The following GABRA4 variants were observed in gnomAD, a reference collection of about 807,000 sequenced individuals.
GABRA4 encodes the protein gamma-aminobutyric acid type A receptor subunit alpha4, also known as gamma-aminobutyric acid receptor subunit alpha-4.
In GABRA4, 12 loss-of-function variants were observed where a neutral mutation model predicts 49.7. The observed-to-expected ratio is 0.24, with a 90% CI of 0.15 to 0.39. GABRA4 has a LOEUF of 0.39. GABRA4 is among the 10% of genes least tolerant of loss of function. GABRA4 has a pLI of 1.00. For synonymous variants in GABRA4, 288 were observed against 240.2 expected, an observed-to-expected ratio of 1.20 and a Z score of -1.84; for missense variants, 506 against 686.0, an observed-to-expected ratio of 0.74 and a Z score of 2.93.
In GABRA4 at chr4:46,922,701, A is replaced by G. The variant is rs1721078766; in HGVS notation, c.*5524T>C. The G allele has an allele frequency of 6.6e-6, 1 of 152,208 alleles. No individual in the cohort carries two copies. The highest frequency in any genetic ancestry group is 6.6e-5 in the Admixed American group (1 of 15,254). The allele number at this position is 152,208 out of a possible 1,614,324, so 9.4% of individuals were successfully genotyped here. A position where few individuals can be genotyped will look rare whatever the true frequency, so the allele number is the denominator to read the frequency against. ...GTGACCAAGAAAGCAATGGAAAACA[A>G]AATTAACCATTATGAAGTTGAAAAG... On this transcript the variant is annotated 3_prime_UTR_variant, in exon 9 of 9. Transcript: ENST00000264318.
chr4:46,989,694 A>G (rs1257986941), intron 2 of GABRA4, among the ~76,000 whole-genome samples: 1 of 152,238 alleles, frequency 6.6e-6, no homozygotes, highest in African/African-American at 2.4e-5. Context: ...TTTCAATTCA[A>G]ATCTTTGCTT....
Position 46,922,053 on chromosome 4 carries a change from A to T in GABRA4, c.*6172T>A, listed in dbSNP as rs984330050. On this transcript the variant is annotated 3_prime_UTR_variant, in exon 9 of 9. Transcript: ENST00000264318. ...CTGTCTTCATACGATTTTACTATAT[A>T]CTTCCGAATAGTGGAATGTAGAGGT... The T allele has an allele frequency of 8.5e-5, 13 of 152,126 alleles. No homozygotes were observed. The highest frequency in any genetic ancestry group is 3.1e-4 in the African/African-American group (13 of 41,432). The allele number at this position is 152,126 out of a possible 1,614,324, so 9.4% of individuals were successfully genotyped here.
At chr4:46,977,225 G>T (rs1254735912) in intron 4 of GABRA4, 82 bp from the exon 5 acceptor site, 3 of 773,612 alleles carry the variant, frequency 3.9e-6, no homozygotes, top group Non-Finnish European at 5.9e-6. Flanking sequence ...GGAAGGAAGG[G>T]AGGGAAGGAG....
At chr4:46,947,384 A>G (rs894391698) in intron 8 of GABRA4, among the ~76,000 whole-genome samples, 3 of 152,006 alleles carry the variant, frequency 2.0e-5, no homozygotes, top group Admixed American at 6.6e-5. Context: ...AAATAAATGC[A>G]TCCTGAATTC....
At chr4:46,990,640 A>G (rs923030054) in intron 2 of GABRA4, among the ~76,000 whole-genome samples, 5 of 152,240 alleles carry the variant, frequency 3.3e-5, no homozygotes, top group African/African-American at 1.2e-4. Context: ...TGTCAAGTTT[A>G]AAACATTTAT....
intron 8 of GABRA4, among the ~76,000 whole-genome samples, chr4:46,963,137 C>T (rs1292553700): frequency 6.6e-6 from 1 of 151,768 alleles, no homozygotes; most frequent in Non-Finnish European, 1.5e-5. Flanking sequence ...GCCAAGTATA[C>T]AATCAACAAA....
chr4:46,958,889 T>C (rs1394509988), intron 8 of GABRA4, among the ~76,000 whole-genome samples: 1 of 151,930 alleles, frequency 6.6e-6, no homozygotes, highest in Non-Finnish European at 1.5e-5. Context: ...AAATGTCATG[T>C]AGACTCTAAA....
chr4:46,986,736 T>C (rs538119806), intron 2 of GABRA4, among the ~76,000 whole-genome samples: 19 of 152,286 alleles, frequency 1.2e-4, no homozygotes, highest in African/African-American at 3.6e-4. Flanking sequence ...GTACCATACC[T>C]GCATACAAAT....
chr4:46,971,600 T>C (rs1416288473), intron 6 of GABRA4, among the ~76,000 whole-genome samples: 1 of 151,092 alleles, frequency 6.6e-6, no homozygotes, highest in Admixed American at 6.6e-5. Flanking sequence ...GAAAAACCAC[T>C]AGAAAAAAAT....
chr4:46,955,723 G>T (rs1722315830), intron 8 of GABRA4, among the ~76,000 whole-genome samples: 1 of 152,034 alleles, frequency 6.6e-6, no homozygotes, highest in South Asian at 2.1e-4. Context: ...TGAATATAAA[G>T]GTTTGTATTT....
rs187604504 is a variant in GABRA4, at chr4:46,980,887, T to C, written c.206-1789A>G. On this transcript the variant is annotated intron_variant, in intron 2 of 8. Coordinates refer to ENST00000264318, the MANE Select transcript of GABRA4 (RefSeq NM_000809.4). ...AGAGTATTAAAAAGCAGAAACACTA[T>C]GCCATTGCAAGTCAGGGCAAGTGGT... Among the ~76,000 whole-genome samples the C allele has an allele frequency of 1.5e-3, 229 of 152,194 alleles. 2 individuals are homozygous for C. The highest frequency in any genetic ancestry group is 4.7e-3 in the East Asian group (24 of 5,158).
In GABRA4 at chr4:46,928,671, C is replaced by T; in HGVS notation, c.1219G>A (p.Gly407Arg). 3 of 1,613,442 alleles carry T rather than the reference C, an allele frequency of 1.9e-6. No homozygotes were observed. Among genetic ancestry groups the T allele is most frequent in the Non-Finnish European group, 2.5e-6 (3 of 1,179,630 alleles). ...ESDVGNRTEV[G>R]NHSSKSSTVV... Reference sequence around the variant, plus strand: ...GTGGAAGATTTGCTTGAATGGTTTCCCACCTCAGTTCTGTTGCCAACATCA... The same window carrying T: ...GTGGAAGATTTGCTTGAATGGTTTCTCACCTCAGTTCTGTTGCCAACATCA... The change falls in exon 9 of 9, where the codon GGA (glycine) becomes AGA (arginine). Residue 407 changes from glycine (G) to arginine (R), a missense_variant. Coordinates refer to ENST00000264318, the MANE Select transcript of GABRA4 (RefSeq NM_000809.4).
chr4:46,964,830 G>C (rs1297207008), intron 8 of GABRA4, 140 bp downstream of exon 8: 1 of 906,932 alleles, frequency 1.1e-6, no homozygotes, highest in Non-Finnish European at 1.6e-6. Context: ...AGCTCATACA[G>C]TTACTTTTAT....
At chr4:46,928,834 T>C (rs985712226) in intron 8 of GABRA4, 79 bp from the exon 9 acceptor site, 10 of 905,322 alleles carry the variant, frequency 1.1e-5, no homozygotes, top group Non-Finnish European at 1.5e-5. Context: ...ATCAAAATTC[T>C]TAAAATTAGT....
chr4:46,975,717 G>C (rs1723119240), intron 5 of GABRA4, among the ~76,000 whole-genome samples: 1 of 151,940 alleles, frequency 6.6e-6, no homozygotes, highest in Non-Finnish European at 1.5e-5. Context: ...CTGAGAACTA[G>C]AGGTTGGGAT....
chr4:46,981,318 AT>A (rs1723348012), intron 2 of GABRA4, among the ~76,000 whole-genome samples: 1 of 152,108 alleles, frequency 6.6e-6, no homozygotes, highest in African/African-American at 2.4e-5. Flanking sequence ...GCGTATGCTA[AT>A]TCTTATAGTT....
intron 8 of GABRA4, among the ~76,000 whole-genome samples, chr4:46,943,532 C>T (rs1321271282): frequency 1.3e-5 from 2 of 152,070 alleles, no homozygotes; most frequent in African/African-American, 4.8e-5. Context: ...TTTTCAGCGG[C>T]ACCTGATTGT....
chr4:46,957,508 A>T (rs987658599), intron 8 of GABRA4, among the ~76,000 whole-genome samples: 1 of 152,040 alleles, frequency 6.6e-6, no homozygotes, highest in Non-Finnish European at 1.5e-5. Context: ...GGAGATGCAT[A>T]CAGTAGAGAA....
chr4:46,977,821 A>G (rs927821331), intron 3 of GABRA4, among the ~76,000 whole-genome samples, 191 bp from the exon 4 acceptor site: 8 of 152,102 alleles, frequency 5.3e-5, no homozygotes, highest in Admixed American at 1.3e-4. Flanking sequence ...ACTTTTATCC[A>G]TCTTGATACC....
Sources: allele counts gnomAD v4.1 joint callset (sites outside exome capture counted in the v4.1 genomes callset), GRCh38; gene constraint gnomAD v4.1.1; transcripts MANE v1.5; gene names NCBI Gene and HGNC (gene_info 2026-07-23, HGNC 2026-07-21).